FMN1: variants seen among roughly 807,000 people sequenced by gnomAD.
FMN1 encodes the protein formin 1.
A neutral mutation model predicts 132.4 loss-of-function variants in FMN1; 110 were observed. The ratio of observed to expected loss-of-function variants is 0.83; its 90% CI spans 0.71 to 0.97. FMN1 has a LOEUF of 0.97. Among genes scored for constraint, FMN1 ranks in the 50% least tolerant of loss-of-function variants. The pLI, the probability that FMN1 is intolerant of heterozygous loss-of-function variation, is 0.00. For synonymous variants in FMN1, 722 were observed against 651.7 expected, an observed-to-expected ratio of 1.11 and a Z score of -1.64; for missense variants, 1,792 against 1,705.3, an observed-to-expected ratio of 1.05 and a Z score of -0.90.
At chr15:33,082,890 C>A (rs1211971129) in intron 5 of FMN1, among the ~76,000 whole-genome samples, 1 of 151,710 alleles carries the variant, frequency 6.6e-6, no homozygotes, top group African/African-American at 2.4e-5. Context: ...TAAAAAAAAC[C>A]AAAAAATTTT....
At chr15:33,068,009 C>A in intron 5 of FMN1, 1 of 1,452,152 alleles carries the variant, frequency 6.9e-7, no homozygotes, top group Non-Finnish European at 9.0e-7. Context: ...GTCAGGCTGT[C>A]AGCCGCACAG....
At chr15:32,936,621 GAAAAGGA>G (rs904821448) in intron 9 of FMN1, among the ~76,000 whole-genome samples, 4 of 151,708 alleles carry the variant, frequency 2.6e-5, no homozygotes, top group Admixed American at 2.6e-4. Context: ...GTCAAAGAAG[GAAAAGGA>G]GAAAGGAGAA....
intron 7 of FMN1, among the ~76,000 whole-genome samples, chr15:32,993,530 A>AT (rs1011079818): frequency 3.8e-4 from 57 of 151,568 alleles, no homozygotes; most frequent in African/African-American, 1.3e-3. Context: ...TCAAATTAAG[A>AT]TAAGAGAAGT....
At chr15:32,960,213 A>T (rs1315222760) in intron 9 of FMN1, among the ~76,000 whole-genome samples, 1 of 152,184 alleles carries the variant, frequency 6.6e-6, no homozygotes, top group African/African-American at 2.4e-5. Context: ...TGCTATAAAG[A>T]TACTACCAAC....
intron 7 of FMN1, among the ~76,000 whole-genome samples, chr15:32,997,836 GA>G (rs1173178616): frequency 6.6e-6 from 1 of 152,086 alleles, no homozygotes; most frequent in Non-Finnish European, 1.5e-5. Context: ...GGAAAGGACA[GA>G]AGAGAGGAAG....
intron 19 of FMN1, among the ~76,000 whole-genome samples, chr15:32,791,468 G>A (rs1302218990): frequency 1.3e-5 from 2 of 151,802 alleles, no homozygotes; most frequent in African/African-American, 4.8e-5. Context: ...ATGAGCAATG[G>A]AAAACCACAG....
intron 17 of FMN1, among the ~76,000 whole-genome samples, chr15:32,806,294 C>T (rs1595963257): frequency 6.6e-6 from 1 of 152,296 alleles, no homozygotes; most frequent in Non-Finnish European, 1.5e-5. Context: ...CACTTACTAT[C>T]TGTATGACTT....
intron 7 of FMN1, among the ~76,000 whole-genome samples, chr15:32,993,007 G>C (rs1041335084): frequency 4.6e-5 from 7 of 152,156 alleles, no homozygotes; most frequent in Admixed American, 2.0e-4. Context: ...GGACATAAGG[G>C]TCATGTGATA....
chr15:33,007,182 T>C (rs1272920101), intron 7 of FMN1, among the ~76,000 whole-genome samples: 2 of 152,196 alleles, frequency 1.3e-5, no homozygotes, highest in Admixed American at 1.3e-4. Flanking sequence ...ACCGTATATA[T>C]ACAATTTCTA....
intron 4 of FMN1, among the ~76,000 whole-genome samples, chr15:33,096,929 G>A (rs772045247): frequency 1.6e-4 from 24 of 152,214 alleles, no homozygotes; most frequent in South Asian, 4.1e-4. Context: ...ACATACTTCA[G>A]ACTGGTTGAT....
chr15:32,806,758 T>C (rs2057695998), intron 17 of FMN1, among the ~76,000 whole-genome samples: 1 of 152,232 alleles, frequency 6.6e-6, no homozygotes, highest in South Asian at 2.1e-4. Flanking sequence ...TGGGACACCC[T>C]GACCACAGTC....
chr15:32,992,195 T>C (rs2033477474), intron 7 of FMN1, among the ~76,000 whole-genome samples: 1 of 152,180 alleles, frequency 6.6e-6, no homozygotes, highest in African/African-American at 2.4e-5. Flanking sequence ...TCCATTTGGT[T>C]TTGGCAATCC....
At chr15:32,818,655 C>T (rs1246322313) in intron 17 of FMN1, among the ~76,000 whole-genome samples, 1 of 152,078 alleles carries the variant, frequency 6.6e-6, no homozygotes, top group Non-Finnish European at 1.5e-5. Flanking sequence ...CTAATATATA[C>T]TACTTATTCT....
In FMN1 at chr15:32,863,162, G is replaced by A. The variant is rs186958146; in HGVS notation, c.3836-6055C>T. ...ATCCATTCAATAAATACATCAGTTC[G>A]GCTAGGCGCGGTGGCTCACGCCTGT... On this transcript the variant is annotated intron_variant, in intron 16 of 20. Transcript: ENST00000616417. Among the ~76,000 whole-genome samples, 30 of 152,300 alleles carry A rather than the reference G, an allele frequency of 2.0e-4. No individual in the cohort carries two copies. In the East Asian group the frequency reaches 3.1e-3, roughly 16 times the overall value.
chr15:32,848,723 CA>C (rs956255759), intron 17 of FMN1, among the ~76,000 whole-genome samples: 1 of 151,724 alleles, frequency 6.6e-6, no homozygotes, highest in Non-Finnish European at 1.5e-5. Flanking sequence ...AATTGTTTTT[CA>C]AAAAAAATTT....
At chr15:32,846,455 T>C (rs111755309) in intron 17 of FMN1, among the ~76,000 whole-genome samples, 11 of 151,664 alleles carry the variant, frequency 7.3e-5, no homozygotes, top group African/African-American at 2.7e-4. Context: ...CCAACAAACA[T>C]GAAAAAAAGT....
intron 17 of FMN1, among the ~76,000 whole-genome samples, chr15:32,856,452 G>A (rs2059132965): frequency 6.6e-6 from 1 of 152,320 alleles, no homozygotes; most frequent in Non-Finnish European, 1.5e-5. Flanking sequence ...TTCAAAGAAA[G>A]TGTGGAGTCT....
At chr15:33,152,638 C>T (rs902372792) in intron 4 of FMN1, among the ~76,000 whole-genome samples, 1 of 151,972 alleles carries the variant, frequency 6.6e-6, no homozygotes, top group East Asian at 1.9e-4. Flanking sequence ...AGAATGACTC[C>T]AGCAGCATGA....
At chr15:33,050,667 T>A (rs2036926226) in intron 6 of FMN1, among the ~76,000 whole-genome samples, 1 of 152,258 alleles carries the variant, frequency 6.6e-6, no homozygotes, top group African/African-American at 2.4e-5. Context: ...AGAGGCCAAC[T>A]GTGTAGTATC....
Sources: allele counts gnomAD v4.1 joint callset (sites outside exome capture counted in the v4.1 genomes callset), GRCh38; gene constraint gnomAD v4.1.1; transcripts MANE v1.5; gene names NCBI Gene and HGNC (gene_info 2026-07-23, HGNC 2026-07-21).